The following ZNF536 variants were observed in gnomAD, a reference collection of about 807,000 sequenced individuals.
ZNF536 encodes zinc finger protein 536.
In ZNF536, 13 loss-of-function variants were observed where a neutral mutation model predicts 84.5. The ratio of observed to expected loss-of-function variants is 0.15; its 90% confidence interval spans 0.10 to 0.24. The LOEUF is 0.24. ZNF536 is among the 10% of genes least tolerant of loss of function. The pLI is 1.00. For missense variants in ZNF536, 1,536 were observed against 1,747.5 expected (o/e 0.88, Z 2.16); for synonymous variants, 811 against 742.5 (o/e 1.09, Z -1.50).
chr19:30,705,742 C>T (rs2052200382), intron 1 of ZNF536, among the ~76,000 whole-genome samples: 2 of 152,152 alleles, frequency 1.3e-5, no homozygotes, highest in African/African-American at 4.8e-5. Context: ...TATTATGATT[C>T]TAGCATTGTA....
intron 2 of ZNF536, among the ~76,000 whole-genome samples, chr19:30,474,538 C>T (rs1362800132): frequency 6.6e-6 from 1 of 152,108 alleles, no homozygotes; most frequent in East Asian, 1.9e-4. Context: ...GTGAACTCCC[C>T]CAACCCCTCC....
At chr19:30,501,448 G>A (rs1377472064) in intron 2 of ZNF536, among the ~76,000 whole-genome samples, 2 of 152,202 alleles carry the variant, frequency 1.3e-5, no homozygotes, top group Admixed American at 6.5e-5. Flanking sequence ...AAGTCCCTAT[G>A]TGTTGGGAAC....
At position 30,534,842 on chromosome 19, in the gene ZNF536, T is replaced by C. The variant is rs2045001416; in HGVS notation, c.2171-5T>C. On this transcript the variant is annotated splice_region_variant and splice_polypyrimidine_tract_variant and intron_variant, in intron 2 of 4. Coordinates refer to ENST00000355537, the MANE Select transcript of ZNF536 (RefSeq NM_014717.3). ...TGATGTGAGAACGTTTCTCCTTCGC[T>C]GCAGACATTGGCGAGGAGGCTGGGA... 1 of 1,609,666 alleles carries C rather than the reference T, an allele frequency of 6.2e-7. No homozygotes were observed. The highest frequency in any genetic ancestry group is 1.7e-5 in the Admixed American group (1 of 59,612).
upstream of ZNF536, among the ~76,000 whole-genome samples, chr19:30,227,242 T>G (rs1347366504): frequency 2.6e-5 from 4 of 152,148 alleles, no homozygotes; most frequent in African/African-American, 9.7e-5. Flanking sequence ...AGGGCTTTCT[T>G]TGGGGACAGG....
intron 2 of ZNF536, among the ~76,000 whole-genome samples, chr19:30,477,187 G>A (rs1034145861): frequency 2.6e-5 from 4 of 152,074 alleles, no homozygotes; most frequent in African/African-American, 7.2e-5. Context: ...TGTCTGTCCC[G>A]AATCATGACA....
intron 1 of ZNF536, among the ~76,000 whole-genome samples, chr19:30,269,468 A>C (rs190199625): frequency 8.5e-5 from 13 of 152,316 alleles, no homozygotes; most frequent in African/African-American, 2.9e-4. Context: ...GGAGGAATGA[A>C]AAAGAAACTG....
chr19:30,482,539 A>G (rs546074188), intron 2 of ZNF536, among the ~76,000 whole-genome samples: 135 of 138,278 alleles, frequency 9.8e-4, no homozygotes, highest in African/African-American at 4.1e-3. Flanking sequence ...GTTGTCCAAG[A>G]TTCTTGCTTT....
chr19:30,420,179 G>A (rs569642080), intron 1 of ZNF536, among the ~76,000 whole-genome samples: 2 of 152,252 alleles, frequency 1.3e-5, no homozygotes, highest in East Asian at 1.9e-4. Flanking sequence ...TGTGCTCATG[G>A]GCCCTGTGCA....
chr19:30,468,934 T>C (rs912337017), intron 2 of ZNF536, among the ~76,000 whole-genome samples: 2 of 151,948 alleles, frequency 1.3e-5, no homozygotes, highest in Non-Finnish European at 2.9e-5. Flanking sequence ...ATGAGGATTG[T>C]CACACCCACC....
intron 2 of ZNF536, among the ~76,000 whole-genome samples, chr19:30,338,483 GTGATGATGATGA>G (rs113886104): frequency 2.7e-5 from 4 of 149,336 alleles, no homozygotes; most frequent in Admixed American, 2.7e-4. Context: ...AATGATGATA[GTGATGATGATGA>G]TGATGATGAT....
intron 2 of ZNF536, among the ~76,000 whole-genome samples, chr19:30,472,438 C>T (rs887797145): frequency 3.3e-5 from 5 of 152,108 alleles, no homozygotes; most frequent in African/African-American, 1.2e-4. Context: ...CCGTGAGACT[C>T]CCGTAGCCAG....
At chr19:30,571,930 A>G (rs2146557528) in intron 1 of ZNF536, among the ~76,000 whole-genome samples, 1 of 152,254 alleles carries the variant, frequency 6.6e-6, no homozygotes, top group East Asian at 1.9e-4. Flanking sequence ...AGCAGAGACA[A>G]GGGGTGGTCT....
chr19:30,422,608 T>C (rs1159232205), intron 1 of ZNF536, among the ~76,000 whole-genome samples: 3 of 152,176 alleles, frequency 2.0e-5, no homozygotes, highest in Non-Finnish European at 4.4e-5. Context: ...TCCAGGCTTA[T>C]CTCCACAGTT....
chr19:30,656,952 G>T (rs897044563), intron 1 of ZNF536, among the ~76,000 whole-genome samples: 1 of 152,172 alleles, frequency 6.6e-6, no homozygotes, highest in Non-Finnish European at 1.5e-5. Flanking sequence ...CCTTCACAAA[G>T]CCTCCTCCCG....
At chr19:30,263,504 C>T (rs1000469822) in intron 1 of ZNF536, among the ~76,000 whole-genome samples, 4 of 152,096 alleles carry the variant, frequency 2.6e-5, no homozygotes, top group Non-Finnish European at 2.9e-5. Flanking sequence ...TGAAAGATAA[C>T]GGAGTGTGTG....
At chr19:30,683,343 T>C (rs1296699888) in intron 1 of ZNF536, among the ~76,000 whole-genome samples, 1 of 152,250 alleles carries the variant, frequency 6.6e-6, no homozygotes, top group Non-Finnish European at 1.5e-5. Flanking sequence ...GAGCTCTAAG[T>C]AATCTCCTTT....
intron 3 of ZNF536, among the ~76,000 whole-genome samples, chr19:30,541,854 G>A (rs1407867029): frequency 6.6e-6 from 1 of 152,210 alleles, no homozygotes; most frequent in African/African-American, 2.4e-5. Context: ...ACAAGGCACT[G>A]TTTAGCAATA....
intron 1 of ZNF536, among the ~76,000 whole-genome samples, chr19:30,230,599 C>A (rs1216307481): frequency 6.6e-6 from 1 of 152,154 alleles, no homozygotes; most frequent in Non-Finnish European, 1.5e-5. Flanking sequence ...TGGGAGAGGA[C>A]AGAGAGGCAG....
intron 1 of ZNF536, among the ~76,000 whole-genome samples, chr19:30,394,655 C>T (rs2049738824): frequency 6.6e-6 from 1 of 152,190 alleles, no homozygotes; most frequent in Non-Finnish European, 1.5e-5. Flanking sequence ...TTGTTTGCCC[C>T]ACCTGTAAAT....
Sources: gnomAD v4.1 joint callset for allele counts (sites outside exome capture counted in the v4.1 genomes callset) on GRCh38, gnomAD v4.1.1 for gene constraint, MANE v1.5 for transcripts, NCBI Gene and HGNC (gene_info 2026-07-23, HGNC 2026-07-21) for gene names.